The following MBNL3 variants were observed in gnomAD, a reference collection of about 807,000 sequenced individuals.
The protein encoded by MBNL3 is muscleblind like splicing regulator 3.
MBNL3 carries 6 observed loss-of-function variants against 24.5 expected under a neutral mutation model. The observed-to-expected ratio is 0.25, with a 90% CI of 0.13 to 0.48. The LOEUF (loss-of-function observed/expected upper bound fraction) is 0.48. Ranked by LOEUF, MBNL3 falls within the 20% of genes least tolerant of loss-of-function variation. MBNL3 has a pLI of 0.99. For synonymous variants in MBNL3, 100 were observed against 101.7 expected (o/e 0.98, Z 0.10); for missense variants, 230 against 293.5 (o/e 0.78, Z 1.58).
intron 1 of MBNL3, among the ~76,000 whole-genome samples, chrX:132,469,285 C>G (rs1459435021): frequency 8.9e-6 from 1 of 112,588 alleles, no homozygotes. Context: ...TCCTTGAGGA[C>G]ACATCTTCAT....
chrX:132,409,935 TC>T (rs745783005), intron 2 of MBNL3, among the ~76,000 whole-genome samples: 1 of 111,752 alleles, frequency 8.9e-6, no homozygotes, highest in Admixed American at 9.5e-5. Flanking sequence ...GCAAAGTGAT[TC>T]AATAGGAAAG....
At position 132,371,297 on chromosome X, in the gene MBNL3, C is replaced by T. The variant is rs1933590200; in HGVS notation, c.*8369G>A. On this transcript the variant is annotated 3_prime_UTR_variant, in exon 9 of 9. Coordinates refer to ENST00000370853, the MANE Select transcript of MBNL3 (RefSeq NM_001386889.1). ...GCTCTGCCATAGCCTCTGATCTAAACTCTCTTCACCGCAGTTTTCTATCAG... is the reference window on the plus strand; with the variant it reads ...GCTCTGCCATAGCCTCTGATCTAAATTCTCTTCACCGCAGTTTTCTATCAG... 8.9e-6 allele frequency: 1 copy of T among 111,998 alleles called. No individual in the cohort carries two copies. The highest frequency in any genetic ancestry group is 3.2e-5 in the African/African-American group (1 of 30,819). The allele number at this position is 111,998 out of a possible 1,213,427, so 9.2% of individuals were successfully genotyped here.
At chrX:132,427,754 G>A (rs1885240603) in intron 2 of MBNL3, among the ~76,000 whole-genome samples, 1 of 111,588 alleles carries the variant, frequency 9.0e-6, no homozygotes, top group Non-Finnish European at 1.9e-5. Flanking sequence ...CACAGAAAAA[G>A]GTTTTCTGTT....
At chrX:132,399,602 T>C (rs763815433) in intron 3 of MBNL3, among the ~76,000 whole-genome samples, 1 of 110,367 alleles carries the variant, frequency 9.1e-6, no homozygotes, top group East Asian at 2.9e-4. Context: ...ATTGCTAATG[T>C]GACTGGTATC....
Position 132,465,577 on chromosome X carries a change from G to A in MBNL3, c.-704+23274C>T, listed in dbSNP as rs539333052. Among the ~76,000 whole-genome samples, 56 of 111,888 alleles carry A rather than the reference G, an allele frequency of 5.0e-4. 1 individual carries two copies. In the South Asian group the frequency reaches 0.019, roughly 37 times the overall value. On this transcript the variant is annotated intron_variant, in intron 1 of 8. Coordinates refer to ENST00000370853, the MANE Select transcript of MBNL3 (RefSeq NM_001386889.1). ...TAAAAAGTTAGTGTTCTTCATCTTC[G>A]TTCTTCTTTTAGTCCACATTTCTAT...
chrX:132,403,535 G>C (rs749424784), intron 3 of MBNL3, among the ~76,000 whole-genome samples: 31 of 111,887 alleles, frequency 2.8e-4, no homozygotes, highest in Admixed American at 1.3e-3. Flanking sequence ...AGAAAAGATA[G>C]GGAAACATAT....
intron 1 of MBNL3, among the ~76,000 whole-genome samples, chrX:132,478,891 G>A (rs1244268183): frequency 8.9e-6 from 1 of 112,375 alleles, no homozygotes; most frequent in Non-Finnish European, 1.9e-5. Context: ...TGTGATAACT[G>A]AACCTGAATC....
chrX:132,442,253 T>C, intron 1 of MBNL3, among the ~76,000 whole-genome samples: 1 of 111,986 alleles, frequency 8.9e-6, no homozygotes, highest in East Asian at 2.8e-4. Flanking sequence ...TTGGGTAATA[T>C]GTGAATTACA....
At chrX:132,416,507 T>C (rs1246042022) in intron 2 of MBNL3, among the ~76,000 whole-genome samples, 1 of 111,335 alleles carries the variant, frequency 9.0e-6, no homozygotes, top group Non-Finnish European at 1.9e-5. Flanking sequence ...AGGAATAAGG[T>C]CTAGTATTCA....
At chrX:132,449,290 T>C (rs1301933387) in intron 1 of MBNL3, among the ~76,000 whole-genome samples, 1 of 110,854 alleles carries the variant, frequency 9.0e-6, no homozygotes, top group Non-Finnish European at 1.9e-5. Flanking sequence ...TGTAGGTCTC[T>C]AAGAACTTGC....
intron 1 of MBNL3, among the ~76,000 whole-genome samples, chrX:132,442,867 C>T (rs907838823): frequency 6.2e-5 from 7 of 112,107 alleles, no homozygotes; most frequent in African/African-American, 2.3e-4. Context: ...ATTTTAGCGG[C>T]TGACTCAGAA....
At chrX:132,448,172 T>C (rs759551599) in intron 1 of MBNL3, among the ~76,000 whole-genome samples, 1 of 111,205 alleles carries the variant, frequency 9.0e-6, no homozygotes, top group South Asian at 3.7e-4. Context: ...ACTGAGAATA[T>C]TAGTCCCTCT....
At chrX:132,434,679 G>A (rs1945010966) in intron 2 of MBNL3, among the ~76,000 whole-genome samples, 2 of 111,793 alleles carry the variant, frequency 1.8e-5, no homozygotes, top group African/African-American at 3.3e-5. Flanking sequence ...ACAAGCACAA[G>A]GTGAGATGTA....
intron 1 of MBNL3, among the ~76,000 whole-genome samples, chrX:132,443,419 G>A (rs1945493005): frequency 9.0e-6 from 1 of 111,657 alleles, no homozygotes; most frequent in Middle Eastern, 4.6e-3. Context: ...TGTCATTTTT[G>A]TAGAGTACTT....
rs181946045 is a variant in MBNL3, at chrX:132,481,009, C to T, written c.-704+7842G>A. Among the ~76,000 whole-genome samples, 46 of 110,071 alleles carry T rather than the reference C, an allele frequency of 4.2e-4. 1 individual carries two copies. In the East Asian group the frequency reaches 8.0e-3, roughly 19 times the overall value. On this transcript the variant is annotated intron_variant, in intron 1 of 8. Transcript: ENST00000370853. ...CAGTGACAGATTTATTGTGGCCTTA[C>T]AGAATAAAGAAAAAAAAAACTCTAT...
At chrX:132,424,863 A>G (rs1944162459) in intron 2 of MBNL3, among the ~76,000 whole-genome samples, 1 of 109,374 alleles carries the variant, frequency 9.1e-6, no homozygotes, top group East Asian at 2.8e-4. Context: ...TTAGTGGGAC[A>G]ATAGGAAAAT....
rs1460202785 is a variant in MBNL3 at position 132,372,483 on chromosome X, TAATATTAAAATAATATTAA to T, written c.*7164_*7182del. 4 of 107,839 alleles carry T rather than the reference TAATATTAAAATAATATTAA, an allele frequency of 3.7e-5. No individual in the cohort carries two copies. The highest frequency in any genetic ancestry group is 7.7e-5 in the Non-Finnish European group (4 of 52,154). The allele number at this position is 107,839 out of a possible 1,213,427, so 8.9% of individuals were successfully genotyped here. A position where few individuals can be genotyped will look rare whatever the true frequency, so the allele number is the denominator to read the frequency against. On this transcript the variant is annotated 3_prime_UTR_variant, in exon 9 of 9. Transcript: ENST00000370853. Reference sequence around the variant, plus strand: ...TAATATTAAAATATTATTAATATTATAATATTAAAATAATATTAAAATATTAATAAATAAGTTTATTTTG... The same window carrying T: ...TAATATTAAAATATTATTAATATTATAATATTAATAAATAAGTTTATTTTG...
intron 1 of MBNL3, among the ~76,000 whole-genome samples, chrX:132,471,620 T>C (rs1299585849): frequency 8.9e-6 from 1 of 112,870 alleles, no homozygotes; most frequent in Middle Eastern, 4.2e-3. Context: ...AGCCCAGGAG[T>C]TTGAGGCTAC....
chrX:132,467,866 GGTT>G (rs1310560805), intron 1 of MBNL3, among the ~76,000 whole-genome samples: 1 of 112,185 alleles, frequency 8.9e-6, no homozygotes, highest in African/African-American at 3.2e-5. Flanking sequence ...AAAGATGAAA[GGTT>G]ATTAGTAACC....
Sources: gnomAD v4.1 joint callset for allele counts (sites outside exome capture counted in the v4.1 genomes callset) on GRCh38, gnomAD v4.1.1 for gene constraint, MANE v1.5 for transcripts, NCBI Gene and HGNC (gene_info 2026-07-23, HGNC 2026-07-21) for gene names.